Variants in GPR158 observed in about 807,000 individuals in gnomAD.
GPR158 encodes G protein-coupled receptor 158, also known as metabotropic glycine receptor.
Under a neutral mutation model 78.2 loss-of-function variants are expected in GPR158, and 30 were observed. The ratio of observed to expected loss-of-function variants is 0.38; its 90% CI spans 0.29 to 0.52. The LOEUF is 0.52. Ranked by LOEUF, GPR158 falls within the 20% of genes least tolerant of loss-of-function variation. The pLI, the probability that GPR158 is intolerant of heterozygous loss-of-function variation, is 0.83. For synonymous variants in GPR158, 581 were observed against 591.1 expected (o/e 0.98, Z 0.25); for missense variants, 1,463 against 1,523.5 (o/e 0.96, Z 0.66).
chr10:25,338,968 A>G (rs1313314324), intron 2 of GPR158, among the ~76,000 whole-genome samples: 1 of 146,174 alleles, frequency 6.8e-6, no homozygotes, highest in African/African-American at 2.5e-5. Context: ...TCCTACACAT[A>G]TTTTACCCTG....
chr10:25,409,243 TTC>T (rs1204190310), intron 3 of GPR158, among the ~76,000 whole-genome samples: 2 of 149,254 alleles, frequency 1.3e-5, no homozygotes, highest in Non-Finnish European at 3.0e-5. Context: ...CCTTTCTTTA[TTC>T]TCTGTCTGTG....
chr10:25,513,491 A>G (rs1487722503), intron 5 of GPR158, among the ~76,000 whole-genome samples: 4 of 146,150 alleles, frequency 2.7e-5, no homozygotes, highest in Admixed American at 1.3e-4. Flanking sequence ...TGTTTCATTT[A>G]TCTTTTTTTT....
intron 5 of GPR158, among the ~76,000 whole-genome samples, chr10:25,536,223 A>AT (rs1259863502): frequency 3.3e-5 from 5 of 152,252 alleles, no homozygotes; most frequent in African/African-American, 9.6e-5. Context: ...ATTCTTTAAT[A>AT]TTAAAGATAT....
At chr10:25,255,690 G>C (rs1261014767) in intron 2 of GPR158, among the ~76,000 whole-genome samples, 1 of 152,200 alleles carries the variant, frequency 6.6e-6, no homozygotes, top group Non-Finnish European at 1.5e-5. Flanking sequence ...AGCCTGGATG[G>C]CTGTCTTCTT....
rs1054655545 is a variant in GPR158 at position 25,599,771 on chromosome 10, C to T, written c.*497C>T. 6.5e-6 allele frequency: 1 copy of T among 154,308 alleles called. No homozygotes were observed. The highest frequency in any genetic ancestry group is 1.4e-5 in the Non-Finnish European group (1 of 69,202). 9.6% of individuals were successfully genotyped at this position (154,308 alleles called of 1,614,324 possible). On this transcript the variant is annotated 3_prime_UTR_variant, in exon 11 of 11. Coordinates refer to ENST00000376351, the MANE Select transcript of GPR158 (RefSeq NM_020752.3). ...TATCTTTTATATTAATGATTGCTCTCATTTTCTTATAAATGTATGTTTCAG... is the reference window on the plus strand; with the variant it reads ...TATCTTTTATATTAATGATTGCTCTTATTTTCTTATAAATGTATGTTTCAG...
At chr10:25,190,393 C>T (rs112080794) in intron 1 of GPR158, among the ~76,000 whole-genome samples, 2,040 of 152,028 alleles carry the variant, frequency 0.013, 49 homozygotes, top group African/African-American at 0.047. Flanking sequence ...AGTGCAATGG[C>T]GTAAATACAA....
At chr10:25,267,931 G>A (rs1039022346) in intron 2 of GPR158, among the ~76,000 whole-genome samples, 3 of 152,052 alleles carry the variant, frequency 2.0e-5, no homozygotes, top group Admixed American at 2.0e-4. Flanking sequence ...ACAAAAATTA[G>A]TTTTCTTTCA....
chr10:25,428,068 ATACATTT>A (rs1309247549), intron 4 of GPR158, among the ~76,000 whole-genome samples: 11 of 152,200 alleles, frequency 7.2e-5, no homozygotes, highest in African/African-American at 2.4e-4. Flanking sequence ...GGATTGCTTT[ATACATTT>A]GTTTCACTGA....
At chr10:25,256,476 G>A (rs1446600710) in intron 2 of GPR158, among the ~76,000 whole-genome samples, 1 of 151,964 alleles carries the variant, frequency 6.6e-6, no homozygotes, top group African/African-American at 2.4e-5. Context: ...ACATAGTAAG[G>A]CCCTGTCTCT....
intron 2 of GPR158, among the ~76,000 whole-genome samples, chr10:25,345,131 C>T (rs1196358464): frequency 6.6e-6 from 1 of 151,994 alleles, no homozygotes; most frequent in Admixed American, 6.6e-5. Context: ...TAACTAAGGA[C>T]AGATTCCATC....
chr10:25,370,739 CGTT>C (rs1833976171), intron 2 of GPR158, among the ~76,000 whole-genome samples: 1 of 150,990 alleles, frequency 6.6e-6, no homozygotes, highest in South Asian at 2.1e-4. Context: ...CTTTCTGTCT[CGTT>C]GATCTGTCTA....
Position 25,389,521 on chromosome 10 carries a change from A to G in GPR158, c.1009-6390A>G, listed in dbSNP as rs913568805. On this transcript the variant is annotated intron_variant, in intron 2 of 10. Coordinates refer to ENST00000376351, the MANE Select transcript of GPR158 (RefSeq NM_020752.3). ...CTGCAGATCTCCTCTGAGCTGTTCT[A>G]TTGCTCAATAAAACTCCTCTTTATC... Among the ~76,000 whole-genome samples, 3 of 152,240 alleles carry G rather than the reference A, an allele frequency of 2.0e-5. No homozygotes were observed. The East Asian group carries it at 5.8e-4, about 29-fold the overall frequency.
At chr10:25,407,950 A>G (rs1834536327) in intron 3 of GPR158, among the ~76,000 whole-genome samples, 1 of 152,096 alleles carries the variant, frequency 6.6e-6, no homozygotes, top group African/African-American at 2.4e-5. Context: ...TGCAAAAACT[A>G]AGCTTAAATA....
At chr10:25,365,674 T>C (rs1177162095) in intron 2 of GPR158, among the ~76,000 whole-genome samples, 1 of 151,702 alleles carries the variant, frequency 6.6e-6, no homozygotes, top group Non-Finnish European at 1.5e-5. Context: ...ATACAATTTC[T>C]TTGACAGGTG....
chr10:25,265,919 G>T (rs898827338), intron 2 of GPR158, among the ~76,000 whole-genome samples: 2 of 152,112 alleles, frequency 1.3e-5, no homozygotes, highest in Admixed American at 6.5e-5. Context: ...GTTACCACCC[G>T]CCTGCTTAAA....
intron 4 of GPR158, among the ~76,000 whole-genome samples, chr10:25,436,468 G>A (rs1834998938): frequency 6.6e-6 from 1 of 152,192 alleles, no homozygotes; most frequent in Non-Finnish European, 1.5e-5. Context: ...ATAGAAAGAA[G>A]AAAACAAGGA....
At chr10:25,588,030 G>A (rs1231466079) in intron 7 of GPR158, among the ~76,000 whole-genome samples, 1 of 152,084 alleles carries the variant, frequency 6.6e-6, no homozygotes, top group Non-Finnish European at 1.5e-5. Context: ...GATAAAATGG[G>A]TTGTATAGAT....
intron 2 of GPR158, among the ~76,000 whole-genome samples, chr10:25,254,844 T>G (rs1273584065): frequency 6.6e-6 from 1 of 152,228 alleles, no homozygotes; most frequent in Non-Finnish European, 1.5e-5. Context: ...CTTGGAAGTA[T>G]CTAATGACTA....
At chr10:25,453,582 G>A (rs2130604012) in intron 4 of GPR158, among the ~76,000 whole-genome samples, 1 of 152,164 alleles carries the variant, frequency 6.6e-6, no homozygotes, top group East Asian at 1.9e-4. Context: ...CAATTAATGA[G>A]TGGATTTCTG....
Sources: allele counts gnomAD v4.1 joint callset (sites outside exome capture counted in the v4.1 genomes callset), GRCh38; gene constraint gnomAD v4.1.1; transcripts MANE v1.5; gene names NCBI Gene and HGNC (gene_info 2026-07-23, HGNC 2026-07-21).